The following CAMTA1 variants were observed in gnomAD, a reference collection of about 807,000 sequenced individuals.
The protein encoded by CAMTA1 is calmodulin binding transcription activator 1, also known as calmodulin-binding transcription activator 1.
CAMTA1 carries 27 observed loss-of-function variants against 170.9 expected under a neutral mutation model. The ratio of observed to expected loss-of-function variants is 0.16; its 90% confidence interval spans 0.12 to 0.22. The LOEUF (loss-of-function observed/expected upper bound fraction) is 0.22. Among genes scored for constraint, CAMTA1 ranks in the 10% least tolerant of loss-of-function variants. The probability of loss-of-function intolerance (pLI) is 1.00; values close to 1 mark genes in which losing one functional copy is unlikely to be tolerated. For missense variants in CAMTA1, 1,619 were observed against 2,217.2 expected (o/e 0.73, Z 5.42); for synonymous variants, 833 against 891.5 (o/e 0.93, Z 1.17).
At chr1:6,881,374 T>A (rs552045446) in intron 3 of CAMTA1, among the ~76,000 whole-genome samples, 69 of 152,240 alleles carry the variant, frequency 4.5e-4, no homozygotes, top group African/African-American at 1.3e-3. Context: ...CTGTGACCAC[T>A]TGAAGGAAGC....
rs1673504496 is a variant in CAMTA1, at chr1:6,887,354, C to T, written c.234+62144C>T. Among the ~76,000 whole-genome samples the T allele has an allele frequency of 6.6e-6, 1 of 152,000 alleles. No individual in the cohort carries two copies. ...CCTCTTAAAGATAAAACCTACAACC[C>T]AATAAAAGTCATGCTGTAACGATTG... On this transcript the variant is annotated intron_variant, in intron 3 of 22. Transcript: ENST00000303635. The surrounding 1 kb of genome is among the most constrained non-coding windows in gnomAD (Gnocchi z 4.1).
At chr1:7,091,777 T>G (rs1250092475) in intron 4 of CAMTA1, among the ~76,000 whole-genome samples, 1 of 152,208 alleles carries the variant, frequency 6.6e-6, no homozygotes, top group Non-Finnish European at 1.5e-5. Flanking sequence ...AAACTGAAAG[T>G]CAAGTTCTTG....
At chr1:7,734,389 C>A (rs2096755805) in intron 12 of CAMTA1, among the ~76,000 whole-genome samples, 1 of 152,174 alleles carries the variant, frequency 6.6e-6, no homozygotes, top group Non-Finnish European at 1.5e-5. Context: ...TAAAGCTCAG[C>A]CACTACGCAG....
chr1:7,290,141 A>G (rs761969983), intron 5 of CAMTA1, among the ~76,000 whole-genome samples: 3 of 152,206 alleles, frequency 2.0e-5, no homozygotes, highest in Non-Finnish European at 2.9e-5. Context: ...GAATTGTACA[A>G]TTGCCATGAA....
intron 6 of CAMTA1, among the ~76,000 whole-genome samples, chr1:7,548,227 C>T (rs1017759787): frequency 6.6e-6 from 1 of 152,206 alleles, no homozygotes; most frequent in Non-Finnish European, 1.5e-5. Context: ...CTGTGGTTTT[C>T]GACCCTCTGT....
At chr1:7,129,115 G>A (rs1193309190) in intron 4 of CAMTA1, among the ~76,000 whole-genome samples, 1 of 152,094 alleles carries the variant, frequency 6.6e-6, no homozygotes, top group African/African-American at 2.4e-5. Context: ...TGGGATTACA[G>A]GCATGAGCCA....
chr1:6,834,359 C>G (rs1651934302), intron 3 of CAMTA1: 1 of 194,528 alleles, frequency 5.1e-6, no homozygotes, highest in African/African-American at 2.4e-5. Flanking sequence ...AACAGCTGCC[C>G]TCTTTGGTTT....
chr1:7,323,597 A>T (rs2149698927), intron 5 of CAMTA1, among the ~76,000 whole-genome samples: 1 of 139,292 alleles, frequency 7.2e-6, no homozygotes, highest in Middle Eastern at 4.2e-3. Context: ...ATCTCCGCTC[A>T]CTGCAGCCTC....
At chr1:6,917,846 G>C (rs1177227851) in intron 3 of CAMTA1, among the ~76,000 whole-genome samples, 13 of 80,442 alleles carry the variant, frequency 1.6e-4, no homozygotes, top group African/African-American at 4.6e-4. Context: ...AAAACCCATC[G>C]GGGGCGGGGG....
chr1:7,473,737 G>A (rs748393897), intron 6 of CAMTA1, among the ~76,000 whole-genome samples: 4 of 152,234 alleles, frequency 2.6e-5, no homozygotes, highest in Non-Finnish European at 5.9e-5. Flanking sequence ...AGAGTAGGCC[G>A]TGAGCCCTCC....
intron 4 of CAMTA1, among the ~76,000 whole-genome samples, chr1:7,149,881 ACTC>A (rs1646471163): frequency 6.6e-6 from 1 of 151,956 alleles, no homozygotes; most frequent in Admixed American, 6.6e-5. Context: ...GGCAAATAAA[ACTC>A]CTGATAACGA....
intron 3 of CAMTA1, among the ~76,000 whole-genome samples, chr1:6,875,882 A>T (rs1669694299): frequency 6.6e-6 from 1 of 152,268 alleles, no homozygotes; most frequent in South Asian, 2.1e-4. Flanking sequence ...ATAGGTCCTT[A>T]CATTGTGCAC....
chr1:7,106,010 A>G (rs1362920367), intron 4 of CAMTA1, among the ~76,000 whole-genome samples: 1 of 151,740 alleles, frequency 6.6e-6, no homozygotes, highest in Non-Finnish European at 1.5e-5. Context: ...TAATGCTCTT[A>G]GTCAAGGGTT....
Position 7,640,304 on chromosome 1 carries a change from C to CCT in CAMTA1, c.511-94_511-93dup, listed in dbSNP as rs754711236. ...GGTCAAGAGAGCCGGGTGTCTGGGG[C>CCT]CTCAGTCTCTGCCTGCACCTGCGGG... On this transcript the variant is annotated intron_variant, in intron 6 of 22. Transcript: ENST00000303635. The CCT allele has an allele frequency of 6.6e-4, 895 of 1,363,162 alleles. 1 individual carries two copies. The highest frequency in any genetic ancestry group is 8.6e-4 in the Non-Finnish European group (844 of 978,272). 84.4% of individuals were successfully genotyped at this position (1,363,162 alleles called of 1,614,324 possible).
intron 11 of CAMTA1, among the ~76,000 whole-genome samples, chr1:7,704,424 C>T (rs918609374): frequency 1.4e-5 from 2 of 146,256 alleles, no homozygotes; most frequent in East Asian, 4.0e-4. Context: ...CTGAGCCGGG[C>T]GGGCGGAGCG....
At position 7,748,838 on chromosome 1, in the gene CAMTA1, C is replaced by T. The variant is rs1302348211; in HGVS notation, c.4689+1057C>T. 2.6e-5 allele frequency among the ~76,000 whole-genome samples: 4 copies of T among 152,166 alleles called. No homozygotes were observed. Among genetic ancestry groups the T allele is most frequent in the Non-Finnish European group, 5.9e-5 (4 of 68,022 alleles). On this transcript the variant is annotated intron_variant, in intron 19 of 22. Coordinates refer to ENST00000303635, the MANE Select transcript of CAMTA1 (RefSeq NM_015215.4). This position sits in a 1 kb window ranked among gnomAD's most constrained non-coding sequence, Gnocchi z 4.7. ...TTCATGCAGTATTTCTGTTTGCAAA[C>T]CACCTTGTAGGGTTATGTAACTAGT...
In CAMTA1 at chr1:7,426,508, GC is replaced by G. The variant is rs2091882124; in HGVS notation, c.439-41319del. Among the ~76,000 whole-genome samples, 1 of 152,212 alleles carries G rather than the reference GC, an allele frequency of 6.6e-6. No homozygotes were observed. Among genetic ancestry groups the G allele is most frequent in the South Asian group, 2.1e-4 (1 of 4,836 alleles). On this transcript the variant is annotated intron_variant, in intron 5 of 22. Coordinates refer to ENST00000303635, the MANE Select transcript of CAMTA1 (RefSeq NM_015215.4). The surrounding 1 kb of genome is among the most constrained non-coding windows in gnomAD (Gnocchi z 4.8). The stretch of plus-strand genomic sequence containing the variant: ...TACTACTTGTTAGATCAAGCGGAGG[GC>G]CCTGGCCAGGGCTGAGCAAGGCCTG...
chr1:6,809,857 A>T (rs1644966267), intron 1 of CAMTA1, among the ~76,000 whole-genome samples: 1 of 152,084 alleles, frequency 6.6e-6, no homozygotes, highest in Non-Finnish European at 1.5e-5. Context: ...AGTTGAGTAG[A>T]CTGAAGACTA....
chr1:7,241,536 C>T (rs930162850), intron 4 of CAMTA1, among the ~76,000 whole-genome samples: 7 of 152,068 alleles, frequency 4.6e-5, no homozygotes, highest in Non-Finnish European at 1.0e-4. Flanking sequence ...CTTATAGTCC[C>T]GGATTTCAAA....
Sources: gnomAD v4.1 joint callset for allele counts (sites outside exome capture counted in the v4.1 genomes callset) on GRCh38, gnomAD v4.1.1 for gene constraint, Gnocchi (gnomAD v3.1) non-coding constraint, MANE v1.5 for transcripts, NCBI Gene and HGNC (gene_info 2026-07-23, HGNC 2026-07-21) for gene names.